NPEPPS: variants seen among roughly 807,000 people sequenced by gnomAD.
The protein encoded by NPEPPS is aminopeptidase puromycin sensitive, also known as puromycin-sensitive aminopeptidase.
Under a neutral mutation model 115.5 loss-of-function variants are expected in NPEPPS, and 14 were observed. The ratio of observed to expected loss-of-function variants is 0.12; its 90% CI spans 0.08 to 0.19. NPEPPS has a LOEUF of 0.19. Ranked by LOEUF, NPEPPS falls within the 10% of genes least tolerant of loss-of-function variation. The pLI is 1.00. For missense variants in NPEPPS, 523 were observed against 1,110.8 expected, an observed-to-expected ratio of 0.47 and a Z score of 7.52; for synonymous variants, 285 against 390.6, an observed-to-expected ratio of 0.73 and a Z score of 3.19.
chr17:47,614,263 C>G (rs1445973022), intron 19 of NPEPPS, among the ~76,000 whole-genome samples: 1 of 152,252 alleles, frequency 6.6e-6, no homozygotes, highest in African/African-American at 2.4e-5. Flanking sequence ...GCTACTGTGC[C>G]CAGCTGAAAT....
chr17:47,543,427 C>A (rs1382186747), intron 1 of NPEPPS, among the ~76,000 whole-genome samples: 1 of 151,268 alleles, frequency 6.6e-6, no homozygotes, highest in Non-Finnish European at 1.5e-5. Context: ...AAGTGATTCT[C>A]CTGCTTCAGC....
upstream of NPEPPS, among the ~76,000 whole-genome samples, chr17:47,527,989 C>T (rs1349724457): frequency 1.3e-5 from 2 of 150,866 alleles, no homozygotes; most frequent in African/African-American, 4.9e-5. Flanking sequence ...GAAAAACATT[C>T]AATTACAGTT....
chr17:47,605,772 T>C (rs1913477279), intron 17 of NPEPPS, among the ~76,000 whole-genome samples: 1 of 152,244 alleles, frequency 6.6e-6, no homozygotes, highest in South Asian at 2.1e-4. Context: ...AAATATAATT[T>C]GTGCACATGG....
chr17:47,612,388 G>A (rs1421613884), intron 17 of NPEPPS, 72 bp from the exon 18 acceptor site: 2 of 1,512,772 alleles, frequency 1.3e-6, no homozygotes, highest in Non-Finnish European at 1.8e-6. Context: ...ACAATTATAA[G>A]ATATCCAAAT....
At chr17:47,569,798 T>C (rs1435541110) in intron 3 of NPEPPS, among the ~76,000 whole-genome samples, 1 of 152,122 alleles carries the variant, frequency 6.6e-6, no homozygotes, top group African/African-American at 2.4e-5. Flanking sequence ...TTTGTATTTT[T>C]AGTAGAGACA....
At chr17:47,545,388 CATT>C (rs1182353053) in intron 1 of NPEPPS, among the ~76,000 whole-genome samples, 1 of 151,940 alleles carries the variant, frequency 6.6e-6, no homozygotes, top group Non-Finnish European at 1.5e-5. Context: ...CTTAAACATC[CATT>C]ATTGTTTTTA....
intron 19 of NPEPPS, among the ~76,000 whole-genome samples, chr17:47,615,662 G>A (rs752942346): frequency 8.5e-5 from 13 of 152,140 alleles, no homozygotes; most frequent in Non-Finnish European, 1.6e-4. Flanking sequence ...TAAATGATAT[G>A]TATGAAATGG....
chr17:47,607,674 A>G (rs1312222172), intron 17 of NPEPPS, among the ~76,000 whole-genome samples: 1 of 152,182 alleles, frequency 6.6e-6, no homozygotes, highest in African/African-American at 2.4e-5. Context: ...GCTGGTTGCA[A>G]CTAGAACTTA....
chr17:47,524,779 C>T (rs1223382166), intron 1 of NPEPPS, among the ~76,000 whole-genome samples: 1 of 151,168 alleles, frequency 6.6e-6, no homozygotes, highest in Non-Finnish European at 1.5e-5. Context: ...GCTGGGATTA[C>T]AGGCGTGAGC....
intron 1 of NPEPPS, among the ~76,000 whole-genome samples, chr17:47,538,616 G>A (rs1393172992): frequency 1.4e-5 from 2 of 140,256 alleles, no homozygotes; most frequent in East Asian, 2.2e-4. Flanking sequence ...TGCAACCTCC[G>A]CCTCCCGGGT....
chr17:47,550,553 A>G (rs946318647), intron 2 of NPEPPS, among the ~76,000 whole-genome samples: 4 of 149,146 alleles, frequency 2.7e-5, no homozygotes, highest in Non-Finnish European at 5.9e-5. Context: ...GTAGAAATTA[A>G]AGGTTTGTTT....
At chr17:47,559,397 T>G (rs1216339939) in intron 2 of NPEPPS, among the ~76,000 whole-genome samples, 5 of 152,158 alleles carry the variant, frequency 3.3e-5, no homozygotes, top group Non-Finnish European at 5.9e-5. Flanking sequence ...AATTTGCTTG[T>G]TTTCTTTGTT....
intron 19 of NPEPPS, among the ~76,000 whole-genome samples, chr17:47,614,701 ATGGCTTGAGTGCAC>A: frequency 6.6e-6 from 1 of 152,222 alleles, no homozygotes; most frequent in East Asian, 1.9e-4. Context: ...CTATAAAGAA[ATGGCTTGAGTGCAC>A]TGGCTACATT....
chr17:47,549,803 G>A (rs1238210477), intron 2 of NPEPPS, among the ~76,000 whole-genome samples: 16 of 141,150 alleles, frequency 1.1e-4, no homozygotes, highest in African/African-American at 3.7e-4. Flanking sequence ...AAAAAAAAAA[G>A]TTTGGATTGG....
Position 47,596,378 on chromosome 17 carries a change from T to C in NPEPPS, c.1452T>C (p.Asn484=). The C allele has an allele frequency of 6.3e-7, 1 of 1,589,936 alleles. No homozygotes were observed. Among genetic ancestry groups the C allele is most frequent in the Non-Finnish European group, 8.6e-7 (1 of 1,167,020 alleles). ...ATEDLWESLE[N]ASGKPIAAVM... The stretch of plus-strand genomic sequence containing the variant: ...AGGATCTCTGGGAAAGTTTAGAAAA[T>C]GCTAGTGGTAAACCTATAGCAGCTG... The change falls in exon 13 of 23, where the codon AAT becomes AAC. Residue 484 remains asparagine (N), a synonymous_variant. Coordinates refer to ENST00000322157, the MANE Select transcript of NPEPPS (RefSeq NM_006310.4).
intron 3 of NPEPPS, among the ~76,000 whole-genome samples, chr17:47,576,111 A>G (rs1401976436): frequency 6.6e-6 from 1 of 152,176 alleles, no homozygotes; most frequent in Non-Finnish European, 1.5e-5. Context: ...AATGCAAGCT[A>G]TTATACAGCT....
chr17:47,543,769 G>A (rs2143703160), intron 1 of NPEPPS, among the ~76,000 whole-genome samples: 1 of 152,256 alleles, frequency 6.6e-6, no homozygotes, highest in Non-Finnish European at 1.5e-5. Context: ...TCTTGGTAAA[G>A]TTGAAGATTT....
At chr17:47,532,091 G>C (rs574894901) in intron 1 of NPEPPS, among the ~76,000 whole-genome samples, 50 of 152,248 alleles carry the variant, frequency 3.3e-4, no homozygotes, top group Non-Finnish European at 5.0e-4. Context: ...CTAGAAGGGG[G>C]GGGAGAGGGT....
At chr17:47,597,897 G>T (rs1267496252) in intron 13 of NPEPPS, among the ~76,000 whole-genome samples, 2 of 152,134 alleles carry the variant, frequency 1.3e-5, no homozygotes, top group Non-Finnish European at 1.5e-5. Context: ...GCACACTGGA[G>T]GACCTCTCAG....
Sources: allele counts gnomAD v4.1 joint callset (sites outside exome capture counted in the v4.1 genomes callset), GRCh38; gene constraint gnomAD v4.1.1; transcripts MANE v1.5; gene names NCBI Gene and HGNC (gene_info 2026-07-23, HGNC 2026-07-21).